Variants in DPP6 observed in about 807,000 individuals in gnomAD.
DPP6 encodes the protein A-type potassium channel modulatory protein DPP6.
DPP6 carries 69 observed loss-of-function variants against 122.6 expected under a neutral mutation model. The observed-to-expected ratio is 0.56, with a 90% confidence interval of 0.46 to 0.69. DPP6 has a LOEUF of 0.69. Ranked by LOEUF, DPP6 falls within the 30% of genes least tolerant of loss-of-function variation. The probability of loss-of-function intolerance (pLI) is 0.00; values close to 1 mark genes in which losing one functional copy is unlikely to be tolerated. For synonymous variants in DPP6, 418 were observed against 433.1 expected, an observed-to-expected ratio of 0.97 and a Z score of 0.43; for missense variants, 928 against 1,116.9, an observed-to-expected ratio of 0.83 and a Z score of 2.41.
chr7:154,148,512 T>G (rs1423061014), intron 1 of DPP6, among the ~76,000 whole-genome samples: 5 of 148,238 alleles, frequency 3.4e-5, no homozygotes, highest in African/African-American at 1.3e-4. Context: ...AGCGATGATG[T>G]GAGCAGGCAC....
chr7:154,347,665 A>G (rs928524503), intron 1 of DPP6, among the ~76,000 whole-genome samples: 14 of 152,232 alleles, frequency 9.2e-5, no homozygotes, highest in African/African-American at 3.4e-4. Flanking sequence ...TGTCCCTTTC[A>G]GATGCTGCCA....
At chr7:154,007,226 T>C (rs1797948469) in intron 1 of DPP6, among the ~76,000 whole-genome samples, 1 of 152,270 alleles carries the variant, frequency 6.6e-6, no homozygotes, top group African/African-American at 2.4e-5. Context: ...TGAATGTCGA[T>C]GTATCTTTGG....
At chr7:154,221,172 G>A (rs1339436555) in intron 1 of DPP6, among the ~76,000 whole-genome samples, 8 of 151,958 alleles carry the variant, frequency 5.3e-5, no homozygotes, top group African/African-American at 1.5e-4. Context: ...ACAGAGTCTC[G>A]TTCTATCACC....
intron 1 of DPP6, among the ~76,000 whole-genome samples, chr7:154,318,047 A>G (rs1296138935): frequency 2.0e-5 from 3 of 152,226 alleles, no homozygotes; most frequent in African/African-American, 7.2e-5. Context: ...GTGATATGGT[A>G]GTTTATGTGT....
At chr7:154,008,679 T>TG (rs1491558346) in intron 1 of DPP6, among the ~76,000 whole-genome samples, 4 of 134,726 alleles carry the variant, frequency 3.0e-5, no homozygotes, top group Non-Finnish European at 4.7e-5. Context: ...TTTTTTTTTT[T>TG]GAGACGGAGT....
At chr7:154,784,820 C>T (rs1797242370) in intron 10 of DPP6, among the ~76,000 whole-genome samples, 1 of 152,206 alleles carries the variant, frequency 6.6e-6, no homozygotes, top group African/African-American at 2.4e-5. Context: ...CTGACCTTGC[C>T]ACCTTCATGA....
chr7:154,234,191 A>G (rs1245144384), intron 1 of DPP6, among the ~76,000 whole-genome samples: 1 of 152,188 alleles, frequency 6.6e-6, no homozygotes, highest in Non-Finnish European at 1.5e-5. Flanking sequence ...ACAGCAGGAA[A>G]AAGGTGACAA....
At chr7:154,496,629 A>G (rs944974396) in intron 3 of DPP6, among the ~76,000 whole-genome samples, 16 of 152,326 alleles carry the variant, frequency 1.1e-4, no homozygotes, top group African/African-American at 3.6e-4. Flanking sequence ...GGTTTTGTGA[A>G]GGGGCCTCTT....
chr7:153,887,781 T>C, intron 1 of DPP6: 2 of 1,599,676 alleles, frequency 1.3e-6, no homozygotes, highest in Non-Finnish European at 1.7e-6. Context: ...GGACCCACCG[T>C]GAGGAGCGAT....
At chr7:153,855,648 C>T in the DPP6 span, among the ~76,000 whole-genome samples, 3 of 152,142 alleles carry the variant, frequency 2.0e-5, no homozygotes, top group African/African-American at 7.2e-5. Flanking sequence ...ACCAATAGGG[C>T]TCCCAAATCT....
intron 1 of DPP6, among the ~76,000 whole-genome samples, chr7:154,288,779 T>TA (rs796623298): frequency 1.4e-3 from 205 of 151,306 alleles, no homozygotes; most frequent in African/African-American, 2.4e-3. Context: ...GATATGCTGG[T>TA]AAAAAAAAAC....
At position 154,893,303 on chromosome 7, in the gene DPP6, C is replaced by T; in HGVS notation, c.*823C>T. 4.6e-6 allele frequency: 1 copy of T among 218,488 alleles called. No homozygotes were observed. The highest frequency in any genetic ancestry group is 6.5e-5 in the South Asian group (1 of 15,326). The allele number at this position is 218,488 out of a possible 1,614,324, so 13.5% of individuals were successfully genotyped here. On this transcript the variant is annotated 3_prime_UTR_variant, in exon 26 of 26. Coordinates refer to ENST00000377770, the MANE Select transcript of DPP6 (RefSeq NM_130797.4). ...GAGGGGGAAGACAGCCAATAGCACC[C>T]ATTAAAAGAAATACCTAAATAAAAC... is the stretch of plus-strand genomic sequence containing the variant.
chr7:153,983,785 C>T (rs1315487592), intron 1 of DPP6, among the ~76,000 whole-genome samples: 1 of 152,106 alleles, frequency 6.6e-6, no homozygotes, highest in Non-Finnish European at 1.5e-5. Flanking sequence ...CATGGCTTCC[C>T]TTGGCCAGGG....
chr7:153,925,564 C>A (rs1285281497), intron 1 of DPP6, among the ~76,000 whole-genome samples: 2 of 151,582 alleles, frequency 1.3e-5, no homozygotes, highest in Non-Finnish European at 2.9e-5. Flanking sequence ...GGAGACCACT[C>A]CATATGGTGG....
At chr7:153,905,121 GTAA>G (rs1477360875) in intron 1 of DPP6, among the ~76,000 whole-genome samples, 1 of 152,212 alleles carries the variant, frequency 6.6e-6, no homozygotes, top group African/African-American at 2.4e-5. Context: ...CACCCTCTCT[GTAA>G]TGGGAGGTCT....
intron 1 of DPP6, among the ~76,000 whole-genome samples, chr7:154,435,362 A>G (rs1292369189): frequency 6.6e-6 from 1 of 152,152 alleles, no homozygotes; most frequent in Non-Finnish European, 1.5e-5. Flanking sequence ...CACTGGGCCA[A>G]CGCTTTCCCA....
chr7:154,822,127 A>G (rs1265374106), intron 16 of DPP6, among the ~76,000 whole-genome samples: 1 of 152,072 alleles, frequency 6.6e-6, no homozygotes, highest in East Asian at 1.9e-4. Flanking sequence ...ACGCCGTTGC[A>G]TCTTGTCCAT....
intron 1 of DPP6, among the ~76,000 whole-genome samples, chr7:154,273,554 T>G (rs962413448): frequency 2.6e-5 from 4 of 152,204 alleles, no homozygotes; most frequent in African/African-American, 9.7e-5. Flanking sequence ...TTATTTTCTG[T>G]GTAACAATGC....
chr7:153,953,785 CAAAG>C (rs138380017), intron 1 of DPP6, among the ~76,000 whole-genome samples: 2,250 of 152,242 alleles, frequency 0.015, 59 homozygotes, highest in African/African-American at 0.05. Context: ...CACATACACA[CAAAG>C]AAACAGGATA....
Sources: gnomAD v4.1 joint callset for allele counts (sites outside exome capture counted in the v4.1 genomes callset) on GRCh38, gnomAD v4.1.1 for gene constraint, MANE v1.5 for transcripts, NCBI Gene and HGNC (gene_info 2026-07-23, HGNC 2026-07-21) for gene names.